Variants in CAMK2A observed in about 807,000 individuals in gnomAD.
CAMK2A encodes the protein calcium/calmodulin-dependent protein kinase type II subunit alpha.
In CAMK2A, 7 loss-of-function variants were observed where a neutral mutation model predicts 79.2. The ratio of observed to expected loss-of-function variants is 0.09; its 90% CI spans 0.05 to 0.17. CAMK2A has a LOEUF of 0.17. CAMK2A is among the 10% of genes least tolerant of loss of function. The probability of loss-of-function intolerance (pLI) is 1.00; values close to 1 mark genes in which losing one functional copy is unlikely to be tolerated. For missense variants in CAMK2A, 214 were observed against 646.4 expected (o/e 0.33, Z 7.25); for synonymous variants, 242 against 251.7 (o/e 0.96, Z 0.36).
chr5:150,250,187 G>C, intron 11 of CAMK2A, 39 bp downstream of exon 11: 2 of 1,493,806 alleles, frequency 1.3e-6, no homozygotes, highest in South Asian at 1.1e-5. Context: ...GGCAGAGCTA[G>C]TCCCATGGCC....
intron 3 of CAMK2A, among the ~76,000 whole-genome samples, chr5:150,260,886 C>T: frequency 6.6e-6 from 1 of 152,158 alleles, no homozygotes; most frequent in Non-Finnish European, 1.5e-5. Flanking sequence ...GGGAGTGAAC[C>T]CTCTCCTATT....
At chr5:150,282,322 A>G (rs1298490283) in intron 1 of CAMK2A, among the ~76,000 whole-genome samples, 1 of 152,252 alleles carries the variant, frequency 6.6e-6, no homozygotes, top group Admixed American at 6.5e-5. Flanking sequence ...AGAAGTTCCA[A>G]CATATTCCTT....
chr5:150,221,609 A>T lies in CAMK2A; in HGVS notation c.*1101T>A. On this transcript the variant is annotated 3_prime_UTR_variant, in exon 19 of 19. Coordinates refer to ENST00000671881, the MANE Select transcript of CAMK2A (RefSeq NM_015981.4). Reference sequence around the variant, plus strand: ...TTGCTGTTCCTGAGTCAGTGCTGGCATCTGATGCTTCCACAGTCCCAAAAG... The same window carrying T: ...TTGCTGTTCCTGAGTCAGTGCTGGCTTCTGATGCTTCCACAGTCCCAAAAG... 2.5e-6 allele frequency: 1 copy of T among 398,654 alleles called. No individual in the cohort carries two copies. The highest frequency in any genetic ancestry group is 4.4e-6 in the Non-Finnish European group (1 of 226,042). 24.7% of individuals were successfully genotyped at this position (398,654 alleles called of 1,614,324 possible).
chr5:150,262,379 T>G (rs1756337764), intron 3 of CAMK2A, among the ~76,000 whole-genome samples: 1 of 152,102 alleles, frequency 6.6e-6, no homozygotes, highest in African/African-American at 2.4e-5. Flanking sequence ...AGATTACAAT[T>G]TTGAAGGAAG....
At chr5:150,231,196 T>G (rs1434050683) in intron 16 of CAMK2A, 109 bp downstream of exon 16, 2 of 539,842 alleles carry the variant, frequency 3.7e-6, no homozygotes, top group East Asian at 6.1e-5. Context: ...TCACAGCACA[T>G]GCAAAGTGAG....
intron 15 of CAMK2A, chr5:150,238,439 G>A (rs1008615484): frequency 6.2e-5 from 22 of 355,306 alleles, no homozygotes; most frequent in Non-Finnish European, 7.9e-5. Context: ...ACGACAGAGC[G>A]AGACGTCATC....
At chr5:150,239,855 T>C in intron 13 of CAMK2A, 119 bp from the exon 14 acceptor site, 1 of 848,882 alleles carries the variant, frequency 1.2e-6, no homozygotes. Context: ...TCCTCTGTAG[T>C]CCTTTGTCGG....
Position 150,222,497 on chromosome 5 carries a change from GGGTGAGAGGT to G in CAMK2A, c.*203_*212del, listed in dbSNP as rs1754363433. 1.4e-6 allele frequency: 1 copy of G among 706,536 alleles called. No individual in the cohort carries two copies. Among genetic ancestry groups the G allele is most frequent in the East Asian group, 2.7e-5 (1 of 37,424 alleles). 43.8% of individuals were successfully genotyped at this position (706,536 alleles called of 1,614,324 possible). A position where few individuals can be genotyped will look rare whatever the true frequency, so the allele number is the denominator to read the frequency against. On this transcript the variant is annotated 3_prime_UTR_variant, in exon 19 of 19. Coordinates refer to ENST00000671881, the MANE Select transcript of CAMK2A (RefSeq NM_015981.4). ...CCCAGCCTGGCAGGGGAGAGGGTGG[GGGTGAGAGGT>G]GGGGAGATGTGGCCGTTCGCTCTGA...
At chr5:150,257,046 T>C (rs1353575171) in intron 4 of CAMK2A, among the ~76,000 whole-genome samples, 1 of 151,986 alleles carries the variant, frequency 6.6e-6, no homozygotes, top group Non-Finnish European at 1.5e-5. Flanking sequence ...TCCTCCTCCA[T>C]CCCCGGCCCT....
In CAMK2A at chr5:150,220,036, C is replaced by T. The variant is rs951559981; in HGVS notation, c.*2674G>A. On this transcript the variant is annotated 3_prime_UTR_variant, in exon 19 of 19. Coordinates refer to ENST00000671881, the MANE Select transcript of CAMK2A (RefSeq NM_015981.4). ...TGGTGGCACCAGGTGGCTGCCCACC[C>T]ACAGGCGTGGCCTTCACAGTGGGGG... is the stretch of plus-strand genomic sequence containing the variant. The T allele has an allele frequency of 2.0e-5, 3 of 152,694 alleles. No homozygotes were observed. Among genetic ancestry groups the T allele is most frequent in the African/African-American group, 7.2e-5 (3 of 41,440 alleles). The allele number at this position is 152,694 out of a possible 1,614,324, so 9.5% of individuals were successfully genotyped here.
At chr5:150,265,248 T>C in intron 2 of CAMK2A, 1 of 509,614 alleles carries the variant, frequency 2.0e-6, no homozygotes, top group Non-Finnish European at 3.6e-6. Context: ...CTCTCTGGCC[T>C]CCGTTTCCAT....
intron 3 of CAMK2A, among the ~76,000 whole-genome samples, chr5:150,259,275 T>G (rs1756198198): frequency 6.6e-6 from 1 of 152,030 alleles, no homozygotes; most frequent in Admixed American, 6.5e-5. Flanking sequence ...ATCCCAGCAC[T>G]ATGGGAGGCT....
At chr5:150,274,210 T>C (rs947873402) in intron 1 of CAMK2A, among the ~76,000 whole-genome samples, 7 of 152,230 alleles carry the variant, frequency 4.6e-5, no homozygotes, top group African/African-American at 1.4e-4. Flanking sequence ...TAAGAGGCTC[T>C]TGGGATTTTA....
intron 2 of CAMK2A, chr5:150,265,308 G>A: frequency 2.6e-6 from 1 of 389,864 alleles, no homozygotes; most frequent in Non-Finnish European, 4.9e-6. Context: ...CTGTTCCTCA[G>A]GCCCTATACT....
intron 1 of CAMK2A, among the ~76,000 whole-genome samples, chr5:150,283,992 G>A (rs975640269): frequency 2.0e-5 from 3 of 152,222 alleles, no homozygotes; most frequent in African/African-American, 7.2e-5. Flanking sequence ...GGACCTAGAG[G>A]ACCTGGGCTG....
Position 150,222,468 on chromosome 5 carries a change from A to T in CAMK2A, c.*242T>A. ...GTGCTGTGGACACCCATGCCTGAGG[A>T]AGCCCCAGCCTGGCAGGGGAGAGGG... On this transcript the variant is annotated 3_prime_UTR_variant, in exon 19 of 19. Transcript: ENST00000671881. 1.4e-6 allele frequency: 1 copy of T among 702,268 alleles called. No individual in the cohort carries two copies. Among genetic ancestry groups the T allele is most frequent in the East Asian group, 2.7e-5 (1 of 37,404 alleles). The allele number at this position is 702,268 out of a possible 1,614,324, so 43.5% of individuals were successfully genotyped here.
Position 150,273,144 on chromosome 5 carries a change from C to T in CAMK2A, c.78G>A (p.Val26=). Reference sequence around the variant, plus strand: ...CCAGCACCTTCACACACCTTCGCACCACCGAGAAGGCTCCCCTAGGAGGAC... The same window carrying T: ...CCAGCACCTTCACACACCTTCGCACTACCGAGAAGGCTCCCCTAGGAGGAC... ...FEELGKGAFS[V]VRRCVKVLAG... Residue 26 remains valine, a synonymous_variant, in exon 2 of 19, where the codon GTG becomes GTA. Coordinates refer to ENST00000671881, the MANE Select transcript of CAMK2A (RefSeq NM_015981.4). The T allele has an allele frequency of 6.2e-7, 1 of 1,613,422 alleles. No individual in the cohort carries two copies. The highest frequency in any genetic ancestry group is 2.2e-5 in the East Asian group (1 of 44,850).
At chr5:150,249,512 G>T (rs1755731789) in intron 11 of CAMK2A, among the ~76,000 whole-genome samples, 1 of 151,978 alleles carries the variant, frequency 6.6e-6, no homozygotes, top group African/African-American at 2.4e-5. Context: ...TTCTGCACAG[G>T]CTGCTTCCTC....
Position 150,222,480 on chromosome 5 carries a change from G to A in CAMK2A, c.*230C>T, listed in dbSNP as rs1329505260. 5 of 703,978 alleles carry A rather than the reference G, an allele frequency of 7.1e-6. No individual in the cohort carries two copies. Among genetic ancestry groups the A allele is most frequent in the Non-Finnish European group, 1.3e-5 (5 of 386,062 alleles). 43.6% of individuals were successfully genotyped at this position (703,978 alleles called of 1,614,324 possible). ...CCCATGCCTGAGGAAGCCCCAGCCT[G>A]GCAGGGGAGAGGGTGGGGGTGAGAG... On this transcript the variant is annotated 3_prime_UTR_variant, in exon 19 of 19. Coordinates refer to ENST00000671881, the MANE Select transcript of CAMK2A (RefSeq NM_015981.4).
Sources: allele counts gnomAD v4.1 joint callset (sites outside exome capture counted in the v4.1 genomes callset), GRCh38; gene constraint gnomAD v4.1.1; transcripts MANE v1.5; gene names NCBI Gene and HGNC (gene_info 2026-07-23, HGNC 2026-07-21).